The following LRFN5 variants were observed in gnomAD, a reference collection of about 807,000 sequenced individuals.
LRFN5 encodes leucine rich repeat and fibronectin type III domain containing 5, also known as leucine-rich repeat and fibronectin type-III domain-containing protein 5.
In LRFN5, 24 loss-of-function variants were observed where a neutral mutation model predicts 45.6. The ratio of observed to expected loss-of-function variants is 0.53; its 90% CI spans 0.38 to 0.74. The LOEUF is 0.74. Ranked by LOEUF, LRFN5 falls within the 30% of genes least tolerant of loss-of-function variation. LRFN5 has a pLI of 0.00. For synonymous variants in LRFN5, 340 were observed against 313.8 expected, an observed-to-expected ratio of 1.08 and a Z score of -0.88; for missense variants, 776 against 861.5, an observed-to-expected ratio of 0.90 and a Z score of 1.24.
intron 3 of LRFN5, among the ~76,000 whole-genome samples, chr14:41,889,022 T>C (rs1217435158): frequency 6.7e-6 from 1 of 150,042 alleles, no homozygotes; most frequent in African/African-American, 2.4e-5. Context: ...TGTGTGTGTA[T>C]ATATACACAT....
At chr14:41,626,138 T>C (rs1888323067) in intron 1 of LRFN5, among the ~76,000 whole-genome samples, 1 of 152,114 alleles carries the variant, frequency 6.6e-6, no homozygotes, top group South Asian at 2.1e-4. Context: ...TTTGATGCTT[T>C]TTACCTTGTT....
chr14:41,742,124 A>T (rs1337441705), intron 1 of LRFN5, among the ~76,000 whole-genome samples: 1 of 151,824 alleles, frequency 6.6e-6, no homozygotes, highest in Non-Finnish European at 1.5e-5. Flanking sequence ...CCAAGAACTA[A>T]AAGTAGATTC....
At chr14:41,764,718 G>A (rs887103502) in intron 1 of LRFN5, among the ~76,000 whole-genome samples, 6 of 151,836 alleles carry the variant, frequency 4.0e-5, no homozygotes, top group Middle Eastern at 3.2e-3. Context: ...AGAGCTGCAC[G>A]GACAATGAGG....
chr14:41,845,364 TA>T (rs375149035), intron 2 of LRFN5, among the ~76,000 whole-genome samples: 32 of 152,270 alleles, frequency 2.1e-4, no homozygotes, highest in African/African-American at 7.0e-4. Flanking sequence ...GTGTTATTCA[TA>T]TATAGTTATA....
intron 1 of LRFN5, among the ~76,000 whole-genome samples, chr14:41,670,119 A>C (rs941142723): frequency 7.8e-6 from 1 of 128,192 alleles, no homozygotes; most frequent in African/African-American, 3.1e-5. Flanking sequence ...ACATTCATAT[A>C]TATACATGTA....
At chr14:41,630,922 T>A (rs530056625) in intron 1 of LRFN5, among the ~76,000 whole-genome samples, 2 of 152,304 alleles carry the variant, frequency 1.3e-5, no homozygotes, top group East Asian at 3.9e-4. Context: ...CTGGAGATCT[T>A]TTCTGATTTA....
At position 41,801,869 on chromosome 14, in the gene LRFN5, T is replaced by A. The variant is rs549263914; in HGVS notation, c.-21+34840T>A. Among the ~76,000 whole-genome samples the A allele has an allele frequency of 2.0e-5, 3 of 152,194 alleles. No individual in the cohort carries two copies. In the East Asian group the frequency reaches 5.8e-4, roughly 30 times the overall value. ...CATCTTACTTGCCAGTTCCTTGACA[T>A]CCCAAGTGGGTCTTAAGGTTGAGGT... is the stretch of plus-strand genomic sequence containing the variant. On this transcript the variant is annotated intron_variant, in intron 2 of 5. Transcript: ENST00000298119.
chr14:41,703,442 A>G (rs530599932), intron 1 of LRFN5, among the ~76,000 whole-genome samples: 29 of 152,072 alleles, frequency 1.9e-4, no homozygotes, highest in African/African-American at 6.8e-4. Context: ...TGCATTAATT[A>G]TTCCATTCTG....
At chr14:41,877,984 T>G (rs2139131792) in intron 2 of LRFN5, among the ~76,000 whole-genome samples, 1 of 152,202 alleles carries the variant, frequency 6.6e-6, no homozygotes, top group Non-Finnish European at 1.5e-5. Context: ...CAAAATGTAA[T>G]TGTTCCAGGT....
At chr14:41,728,004 G>A (rs370036862) in intron 1 of LRFN5, among the ~76,000 whole-genome samples, 4 of 151,458 alleles carry the variant, frequency 2.6e-5, no homozygotes, top group African/African-American at 9.8e-5. Context: ...TGTCTGTTTT[G>A]TTTTCATGAC....
At chr14:41,886,034 A>AAG (rs1890559985) in intron 2 of LRFN5, among the ~76,000 whole-genome samples, 1 of 151,678 alleles carries the variant, frequency 6.6e-6, no homozygotes, top group Non-Finnish European at 1.5e-5. Context: ...AAAAAAAAAA[A>AAG]AAAAAATAGT....
intron 2 of LRFN5, among the ~76,000 whole-genome samples, chr14:41,818,882 T>A (rs186580675): frequency 5.3e-5 from 8 of 152,264 alleles, no homozygotes; most frequent in Admixed American, 1.3e-4. Flanking sequence ...TCATCCCTCA[T>A]GCCCCTCCTA....
intron 1 of LRFN5, among the ~76,000 whole-genome samples, chr14:41,667,548 G>C (rs10132141): frequency 6.6e-6 from 1 of 152,130 alleles, no homozygotes; most frequent in Non-Finnish European, 1.5e-5. Flanking sequence ...GAGGCTGCTG[G>C]TGTCCACGCT....
At chr14:41,704,811 T>G (rs1460848852) in intron 1 of LRFN5, among the ~76,000 whole-genome samples, 1 of 152,112 alleles carries the variant, frequency 6.6e-6, no homozygotes, top group African/African-American at 2.4e-5. Context: ...AAAGATATTT[T>G]GGGAGAGGAA....
chr14:41,871,183 C>T (rs889749268), intron 2 of LRFN5, among the ~76,000 whole-genome samples: 13 of 151,810 alleles, frequency 8.6e-5, no homozygotes, highest in Non-Finnish European at 1.2e-4. Flanking sequence ...AGATTTATCT[C>T]ATTAAAAAAA....
intron 2 of LRFN5, among the ~76,000 whole-genome samples, chr14:41,844,420 G>C (rs1182285252): frequency 4.2e-5 from 6 of 142,140 alleles, no homozygotes; most frequent in African/African-American, 1.3e-4. Flanking sequence ...CTGGGTGACA[G>C]AGCAAGACTC....
chr14:41,636,520 A>G (rs1281781983), intron 1 of LRFN5, among the ~76,000 whole-genome samples: 1 of 152,030 alleles, frequency 6.6e-6, no homozygotes, highest in East Asian at 1.9e-4. Context: ...TTTAGGCCAG[A>G]TAGAAAGTAG....
intron 5 of LRFN5, among the ~76,000 whole-genome samples, chr14:41,902,932 T>A (rs907445421): frequency 7.9e-5 from 12 of 151,654 alleles, no homozygotes; most frequent in African/African-American, 2.2e-4. Flanking sequence ...ACCATTACAT[T>A]TTTACAGTGA....
intron 2 of LRFN5, among the ~76,000 whole-genome samples, chr14:41,834,175 T>A (rs535524065): frequency 4.6e-5 from 7 of 152,260 alleles, no homozygotes; most frequent in Admixed American, 3.3e-4. Flanking sequence ...GAAAAAAAAA[T>A]TATTTTGCAT....
Sources: allele counts gnomAD v4.1 joint callset (sites outside exome capture counted in the v4.1 genomes callset), GRCh38; gene constraint gnomAD v4.1.1; transcripts MANE v1.5; gene names NCBI Gene and HGNC (gene_info 2026-07-23, HGNC 2026-07-21).